PRIMPOL: variants seen among roughly 807,000 people sequenced by gnomAD.
PRIMPOL encodes the protein primase and DNA directed polymerase, also known as DNA-directed primase/polymerase protein.
PRIMPOL carries 54 observed loss-of-function variants against 63.6 expected under a neutral mutation model. The observed-to-expected ratio is 0.85, with a 90% CI of 0.68 to 1.07. The LOEUF (loss-of-function observed/expected upper bound fraction) is 1.07, where lower values mean the gene tolerates loss of function less well. Among genes scored for constraint, PRIMPOL ranks in the 50% least tolerant of loss-of-function variants. The probability of loss-of-function intolerance (pLI) is 0.00; values close to 1 mark genes in which losing one functional copy is unlikely to be tolerated. For missense variants in PRIMPOL, 610 were observed against 648.3 expected (o/e 0.94, Z 0.64); for synonymous variants, 197 against 220.2 (o/e 0.89, Z 0.93).
intron 11 of PRIMPOL, among the ~76,000 whole-genome samples, chr4:184,686,145 TATTTA>T (rs1396663049): frequency 2.6e-5 from 4 of 152,250 alleles, no homozygotes; most frequent in South Asian, 4.1e-4. Context: ...CATTACATAA[TATTTA>T]ATTTAAATGT....
At chr4:184,668,905 TATTA>T (rs766149343) in intron 6 of PRIMPOL, among the ~76,000 whole-genome samples, 71 of 151,224 alleles carry the variant, frequency 4.7e-4, no homozygotes, top group Middle Eastern at 3.5e-3. Context: ...TTACTAATAT[TATTA>T]ATTATTAAAA....
chr4:184,658,260 G>A (rs1271523443), intron 3 of PRIMPOL, among the ~76,000 whole-genome samples: 1 of 151,894 alleles, frequency 6.6e-6, no homozygotes, highest in African/African-American at 2.4e-5. Flanking sequence ...TCATGAGAAT[G>A]GTTTAAGAAA....
chr4:184,675,245 C>T (rs910405656), intron 7 of PRIMPOL, among the ~76,000 whole-genome samples: 27 of 152,126 alleles, frequency 1.8e-4, no homozygotes, highest in Non-Finnish European at 3.4e-4. Context: ...ATCTTTAAAA[C>T]ATTTGTTTAG....
chr4:184,655,297 A>T (rs903360618), intron 2 of PRIMPOL, among the ~76,000 whole-genome samples: 5 of 148,534 alleles, frequency 3.4e-5, no homozygotes, highest in Non-Finnish European at 5.9e-5. Context: ...GGCATGAACC[A>T]CGGCGCCTGG....
chr4:184,658,528 A>T (rs146870246), intron 3 of PRIMPOL, among the ~76,000 whole-genome samples: 2 of 152,296 alleles, frequency 1.3e-5, no homozygotes, highest in East Asian at 3.9e-4. Flanking sequence ...GAACTTGTGG[A>T]TGTATTCCTC....
At chr4:184,677,084 CCT>C (rs1359195843) in intron 7 of PRIMPOL, among the ~76,000 whole-genome samples, 3 of 132,868 alleles carry the variant, frequency 2.3e-5, no homozygotes, top group South Asian at 2.8e-4. Flanking sequence ...TCTATTTCCA[CCT>C]CTCTCTCTGT....
chr4:184,677,524 GGCA>G (rs1754414140), intron 7 of PRIMPOL, among the ~76,000 whole-genome samples: 3 of 44,262 alleles, frequency 6.8e-5, no homozygotes, highest in South Asian at 1.1e-3. Context: ...ATATTAGATA[GGCA>G]CGACACTGTC....
chr4:184,660,123 T>G (rs1485193924), intron 4 of PRIMPOL, among the ~76,000 whole-genome samples: 1 of 151,548 alleles, frequency 6.6e-6, no homozygotes, highest in Non-Finnish European at 1.5e-5. Context: ...ACCTGGCTTA[T>G]TAGCTTTATT....
At position 184,678,326 on chromosome 4, in the gene PRIMPOL, T is replaced by C; in HGVS notation, c.939T>C (p.Phe313=). ...ALEVTEDNKF[F]PIQSKDVSDE... Reference sequence around the variant, plus strand: ...AGGTTACTGAAGATAACAAATTTTTTCCTATACAGTCAAAAGATGTTTCTG... The same window carrying C: ...AGGTTACTGAAGATAACAAATTTTTCCCTATACAGTCAAAAGATGTTTCTG... The change falls in exon 8 of 14, where the codon TTT becomes TTC. Residue 313 remains phenylalanine (F), a synonymous_variant. Transcript: ENST00000314970. 1 of 1,608,976 alleles carries C rather than the reference T, an allele frequency of 6.2e-7. No homozygotes were observed. Among genetic ancestry groups the C allele is most frequent in the East Asian group, 2.2e-5 (1 of 44,546 alleles).
intron 11 of PRIMPOL, among the ~76,000 whole-genome samples, chr4:184,690,641 G>C (rs1010490124): frequency 2.6e-5 from 4 of 152,032 alleles, no homozygotes; most frequent in African/African-American, 9.7e-5. Flanking sequence ...TGTATTTTCA[G>C]TATAGACGGG....
At chr4:184,663,625 A>T (rs1400296197) in intron 5 of PRIMPOL, among the ~76,000 whole-genome samples, 1 of 152,244 alleles carries the variant, frequency 6.6e-6, no homozygotes, top group Admixed American at 6.5e-5. Flanking sequence ...CTTATTCTTT[A>T]TACTACTTTA....
intron 6 of PRIMPOL, among the ~76,000 whole-genome samples, chr4:184,669,583 G>C (rs920847176): frequency 2.0e-5 from 3 of 152,220 alleles, no homozygotes; most frequent in African/African-American, 7.2e-5. Flanking sequence ...GGAGAGAATA[G>C]AAATTTGTGA....
At chr4:184,667,366 A>T (rs1278804311) in intron 6 of PRIMPOL, among the ~76,000 whole-genome samples, 1 of 151,778 alleles carries the variant, frequency 6.6e-6, no homozygotes, top group African/African-American at 2.4e-5. Flanking sequence ...GCTGGAGTGC[A>T]GTGGCACGTT....
At position 184,676,387 on chromosome 4, in the gene PRIMPOL, TCCCTTCCCTTCC is replaced by T. The variant is rs1223844722; in HGVS notation, c.845-1833_845-1822del. Among the ~76,000 whole-genome samples the T allele has an allele frequency of 1.6e-3, 14 of 8,518 alleles. 1 individual carries two copies. Among genetic ancestry groups the T allele is most frequent in the Non-Finnish European group, 3.1e-3 (12 of 3,846 alleles). 5.6% of individuals were successfully genotyped at this position (8,518 alleles called of 152,430 possible). On this transcript the variant is annotated intron_variant, in intron 7 of 13. Transcript: ENST00000314970. ...TCCTTTCCCTTCCCTTCCCTTCCTT[TCCCTTCCCTTCC>T]CCCTTCCCTTCTCCCTTCCCTTCTC...
At chr4:184,691,113 CTTTT>C (rs1229230723) in intron 11 of PRIMPOL, among the ~76,000 whole-genome samples, 1 of 149,786 alleles carries the variant, frequency 6.7e-6, no homozygotes, top group Admixed American at 6.6e-5. Flanking sequence ...CTTATTGGAC[CTTTT>C]TTGTGGTTAT....
chr4:184,668,683 G>C (rs1750742234), intron 6 of PRIMPOL, among the ~76,000 whole-genome samples: 1 of 152,158 alleles, frequency 6.6e-6, no homozygotes, highest in Non-Finnish European at 1.5e-5. Context: ...GCCTTACTTG[G>C]ATTAGTGTTC....
intron 8 of PRIMPOL, among the ~76,000 whole-genome samples, chr4:184,681,572 CACTTATTT>C (rs1347282147): frequency 6.7e-6 from 1 of 149,202 alleles, no homozygotes; most frequent in African/African-American, 2.5e-5. Flanking sequence ...TTTTTATTTT[CACTTATTT>C]ACTTATTTTT....
chr4:184,670,108 C>A lies in PRIMPOL; in HGVS notation c.557-2065C>A, dbSNP rs184719335. Among the ~76,000 whole-genome samples the A allele has an allele frequency of 3.3e-5, 5 of 152,158 alleles. No homozygotes were observed. In the East Asian group the frequency reaches 9.6e-4, roughly 29 times the overall value. On this transcript the variant is annotated intron_variant, in intron 6 of 13. Coordinates refer to ENST00000314970, the MANE Select transcript of PRIMPOL (RefSeq NM_152683.4). Reference sequence around the variant, plus strand: ...TTCCTGTCCTCATGAGGGTTGGGGGCAATAAGATCCTGGAAGGGAAGTAGA... The same window carrying A: ...TTCCTGTCCTCATGAGGGTTGGGGGAAATAAGATCCTGGAAGGGAAGTAGA...
At chr4:184,669,721 A>G (rs767571481) in intron 6 of PRIMPOL, among the ~76,000 whole-genome samples, 12 of 152,210 alleles carry the variant, frequency 7.9e-5, no homozygotes, top group Non-Finnish European at 4.4e-5. Flanking sequence ...AAGCAAAACT[A>G]TAGAGATAAG....
Sources: gnomAD v4.1 joint callset for allele counts (sites outside exome capture counted in the v4.1 genomes callset) on GRCh38, gnomAD v4.1.1 for gene constraint, MANE v1.5 for transcripts, NCBI Gene and HGNC (gene_info 2026-07-23, HGNC 2026-07-21) for gene names.